MYO15B: variants seen among roughly 807,000 people sequenced by gnomAD.
MYO15B encodes myosin XVB.
A neutral mutation model predicts 119.3 loss-of-function variants in MYO15B; 207 were observed. That is an observed-to-expected ratio of 1.73 (90% CI 1.55 to 1.95). The LOEUF is 1.95. MYO15B is among the 30% of genes most tolerant of loss of function. The pLI is 0.00. For synonymous variants in MYO15B, 966 were observed against 498.9 expected (o/e 1.94, Z -12.48); for missense variants, 2,264 against 1,203.1 (o/e 1.88, Z -13.04).
chr17:75,591,113 C>G (rs1038730474), intron 3 of MYO15B, 59 bp from the exon 4 acceptor site: 1 of 701,584 alleles, frequency 1.4e-6, no homozygotes, highest in Admixed American at 2.0e-5. Context: ...GTGAGCACCT[C>G]TGCTACACCT....
Position 75,601,424 on chromosome 17 carries a change from G to A in MYO15B, c.3526-14G>A, listed in dbSNP as rs1568143212. On this transcript the variant is annotated splice_polypyrimidine_tract_variant and intron_variant, in intron 14 of 63. Transcript: ENST00000645453. ...GTGCAGAGGCGTGAAGGGAGCTCATGGCTCCTCTCCTAGGCCACGGACCAC... is the reference window on the plus strand; with the variant it reads ...GTGCAGAGGCGTGAAGGGAGCTCATAGCTCCTCTCCTAGGCCACGGACCAC... The A allele has an allele frequency of 1.4e-6, 1 of 702,684 alleles. No homozygotes were observed. The highest frequency in any genetic ancestry group is 2.0e-5 in the Admixed American group (1 of 49,982). 43.5% of individuals were successfully genotyped at this position (702,684 alleles called of 1,614,324 possible). A position where few individuals can be genotyped will look rare whatever the true frequency, so the allele number is the denominator to read the frequency against.
In MYO15B at chr17:75,623,865, A is replaced by G; in HGVS notation, c.8156+11A>G. ...GGGACACCCCCGGCCGTGAGTGGGG[A>G]CCGGTGGCTTCTGGGGGTGGCTTCT... On this transcript the variant is annotated intron_variant, in intron 54 of 63. Coordinates refer to ENST00000645453, the Ensembl canonical transcript of MYO15B. The G allele has an allele frequency of 1.8e-6, 1 of 560,808 alleles. No individual in the cohort carries two copies. 34.7% of individuals were successfully genotyped at this position (560,808 alleles called of 1,614,324 possible).
intron 9 of MYO15B, among the ~76,000 whole-genome samples, chr17:75,593,693 G>C (rs1385033696): frequency 6.6e-6 from 1 of 151,754 alleles, no homozygotes; most frequent in Non-Finnish European, 1.5e-5. Context: ...GCCTAGATGG[G>C]CGGATCACCT....
intron 14 of MYO15B, among the ~76,000 whole-genome samples, chr17:75,598,305 G>A (rs1400094576): frequency 1.3e-5 from 2 of 151,058 alleles, no homozygotes; most frequent in South Asian, 4.2e-4. Context: ...TGGGCCAGGC[G>A]CGGTGGCTCA....
intron 21 of MYO15B, among the ~76,000 whole-genome samples, chr17:75,608,000 G>A (rs1173828546): frequency 6.6e-6 from 1 of 152,114 alleles, no homozygotes; most frequent in Non-Finnish European, 1.5e-5. Flanking sequence ...GTGTGAAGTG[G>A]CATCTCATTA....
At chr17:75,612,157 A>G (rs973487189) in intron 25 of MYO15B, 141 bp downstream of exon 25, 114 of 613,366 alleles carry the variant, frequency 1.9e-4, no homozygotes, top group Admixed American at 1.2e-3. Context: ...GTAGCGCTGA[A>G]TTGCTCTGAA....
chr17:75,611,201 C>T (rs2058006257), intron 23 of MYO15B, among the ~76,000 whole-genome samples: 1 of 152,072 alleles, frequency 6.6e-6, no homozygotes, highest in Non-Finnish European at 1.5e-5. Context: ...TGGTGGCACA[C>T]ACCTGTAATC....
In MYO15B at chr17:75,619,176, C is replaced by G. The variant is rs181679770; in HGVS notation, c.7021C>G (p.Arg2341Gly). 4 of 702,776 alleles carry G rather than the reference C, an allele frequency of 5.7e-6. No homozygotes were observed. The African/African-American group carries it at 7.0e-5, about 12-fold the overall frequency. 43.5% of individuals were successfully genotyped at this position (702,776 alleles called of 1,614,324 possible). The change falls in exon 44 of 64, where the codon CGG becomes GGG. Residue 2341 changes from arginine to glycine, a missense_variant. Physicochemically the swap from Arg to Gly is moderately radical, Grantham distance 125 (BLOSUM62 -2). Coordinates refer to ENST00000645453, the Ensembl canonical transcript of MYO15B. Reference sequence around the variant, plus strand: ...GGACACCTTCTCCGAGTCCTGTATCCGGATTTCCCAGAATGAGCGGCGGAA... The same window carrying G: ...GGACACCTTCTCCGAGTCCTGTATCGGGATTTCCCAGAATGAGCGGCGGAA...
chr17:75,591,309 G>A (rs974796257), intron 4 of MYO15B, 63 bp downstream of exon 4: 38 of 691,202 alleles, frequency 5.5e-5, no homozygotes, highest in Middle Eastern at 4.6e-4. Flanking sequence ...ATGGGGCGGG[G>A]CCTGAGGTCT....
In MYO15B at chr17:75,589,227, G is replaced by C. The variant is rs371539997; in HGVS notation, c.1170G>C (p.Pro390=). ...GGCGGCTGCGGCTGCGGCGGCGGCC[G>C]CCAGAGGGCGAGGGGCAGGGTACCG... The change falls in exon 1 of 64, where the codon CCG becomes CCC. Residue 390 remains proline, a synonymous_variant. Transcript: ENST00000645453. The surrounding 1 kb of genome is among the most constrained non-coding windows in gnomAD (Gnocchi z 4.2). 2.0e-5 allele frequency: 8 copies of C among 401,076 alleles called. No homozygotes were observed. The highest frequency in any genetic ancestry group is 3.1e-5 in the Non-Finnish European group (7 of 228,600). 24.8% of individuals were successfully genotyped at this position (401,076 alleles called of 1,614,324 possible).
intron 43 of MYO15B, among the ~76,000 whole-genome samples, chr17:75,618,853 T>C (rs989685360): frequency 6.6e-6 from 1 of 152,164 alleles, no homozygotes; most frequent in African/African-American, 2.4e-5. Flanking sequence ...CCCCGAACAA[T>C]CTTGTATCTG....
chr17:75,591,512 CT>C (rs1361270164), intron 4 of MYO15B, 88 bp from the exon 5 acceptor site: 13 of 693,208 alleles, frequency 1.9e-5, no homozygotes, highest in Non-Finnish European at 2.9e-5. Flanking sequence ...CTAGCTGTCA[CT>C]TCTGGGTGGC....
At chr17:75,597,936 AAC>A (rs889198405) in intron 14 of MYO15B, among the ~76,000 whole-genome samples, 1 of 151,954 alleles carries the variant, frequency 6.6e-6, no homozygotes, top group African/African-American at 2.4e-5. Flanking sequence ...ATTATAAAAA[AAC>A]AAACCAAAAA....
chr17:75,589,488 C>G lies in MYO15B; in HGVS notation c.1431C>G (p.Gly477=), dbSNP rs75102240. Residue 477 remains glycine (G), a synonymous_variant, in exon 1 of 64, where the codon GGC becomes GGG. Coordinates refer to ENST00000645453, the Ensembl canonical transcript of MYO15B. This position sits in a 1 kb window ranked among gnomAD's most constrained non-coding sequence, Gnocchi z 4.2. ...GGGGTCACGAGAGAGGTGACGAGGG[C>G]CGGGACCACCAGAGAGGGTACGAGG... 34,341 of 395,982 alleles carry G rather than the reference C, an allele frequency of 0.087. 1,680 individuals are homozygous for G. Among genetic ancestry groups the G allele is most frequent in the Middle Eastern group, 0.15 (240 of 1,590 alleles). The allele number at this position is 395,982 out of a possible 1,614,324, so 24.5% of individuals were successfully genotyped here. A position where few individuals can be genotyped will look rare whatever the true frequency, so the allele number is the denominator to read the frequency against.
exon 31 of MYO15B, chr17:75,614,661 G>A (rs576782722): frequency 1.1e-5 from 8 of 701,310 alleles, no homozygotes; most frequent in Middle Eastern, 2.4e-4. Context: ...CAGCCCCAAC[G>A]CTGCCCAGCA....
chr17:75,588,271 G>A (rs985317267), exon 1 of MYO15B: 2 of 398,178 alleles, frequency 5.0e-6, no homozygotes, highest in Non-Finnish European at 8.9e-6. Context: ...GCCCACTGCA[G>A]AGGGGAACGG....
intron 53 of MYO15B, 109 bp from the exon 54 acceptor site, chr17:75,623,672 A>T (rs2058835263): frequency 1.5e-6 from 1 of 656,894 alleles, no homozygotes; most frequent in African/African-American, 1.8e-5. Flanking sequence ...GCTGAGAGAG[A>T]CATCTTGAGC....
intron 9 of MYO15B, 147 bp from the exon 10 acceptor site, chr17:75,594,328 C>T (rs780670025): frequency 5.3e-5 from 27 of 506,930 alleles, no homozygotes; most frequent in Non-Finnish European, 9.0e-5. Context: ...AAACCATAGC[C>T]TCGCTCCTAA....
Position 75,621,398 on chromosome 17 carries a change from AGTACACCAAGGT to A in MYO15B, c.7927_7935+3del. ...GGAAAGGACACGGACAGCCTGGTGC[AGTACACCAAGGT>A]GGGAGAGAGGCAGGGAGGGGTCTGG... On this transcript the variant is annotated splice_donor_variant and coding_sequence_variant, in exon 51 of 64. Transcript: ENST00000645453. LOFTEE classifies it high-confidence loss of function. 1.4e-6 allele frequency: 1 copy of A among 700,764 alleles called. No individual in the cohort carries two copies. The highest frequency in any genetic ancestry group is 1.5e-5 in the South Asian group (1 of 67,542). The allele number at this position is 700,764 out of a possible 1,614,324, so 43.4% of individuals were successfully genotyped here.
Sources: gnomAD v4.1 joint callset for allele counts (sites outside exome capture counted in the v4.1 genomes callset) on GRCh38, gnomAD v4.1.1 for gene constraint, Gnocchi (gnomAD v3.1) non-coding constraint, MANE v1.5 for transcripts, NCBI Gene and HGNC (gene_info 2026-07-23, HGNC 2026-07-21) for gene names.